VPS35: variants seen among roughly 807,000 people sequenced by gnomAD.
The protein encoded by VPS35 is VPS35 retromer complex component.
A neutral mutation model predicts 98.1 loss-of-function variants in VPS35; 21 were observed. The ratio of observed to expected loss-of-function variants is 0.21; its 90% CI spans 0.15 to 0.31. The LOEUF is 0.31. Ranked by LOEUF, VPS35 falls within the 10% of genes least tolerant of loss-of-function variation. The pLI, the probability that VPS35 is intolerant of heterozygous loss-of-function variation, is 1.00. For missense variants in VPS35, 554 were observed against 950.8 expected, an observed-to-expected ratio of 0.58 and a Z score of 5.49; for synonymous variants, 268 against 318.2, an observed-to-expected ratio of 0.84 and a Z score of 1.68.
rs183619073 is a variant in VPS35 at position 46,682,252 on chromosome 16, A to G, written c.103-77T>C. ...TATCTTGGTTGTACAAATTCTTTAC[A>G]TCAAGGACTTGTTACATAGTTTTAA... On this transcript the variant is annotated intron_variant, in intron 2 of 16. Coordinates refer to ENST00000299138, the MANE Select transcript of VPS35 (RefSeq NM_018206.6). 5.9e-5 allele frequency: 65 copies of G among 1,108,862 alleles called. 1 individual carries two copies. Among genetic ancestry groups the G allele is most frequent in the Middle Eastern group, 2.2e-4 (1 of 4,606 alleles). 68.7% of individuals were successfully genotyped at this position (1,108,862 alleles called of 1,614,324 possible). A position where few individuals can be genotyped will look rare whatever the true frequency, so the allele number is the denominator to read the frequency against.
At position 46,680,601 on chromosome 16, in the gene VPS35, G is replaced by A. The variant is rs1966220127; in HGVS notation, c.506+70C>T. 3 of 1,510,966 alleles carry A rather than the reference G, an allele frequency of 2.0e-6. No individual in the cohort carries two copies. In the African/African-American group the frequency reaches 4.2e-5, roughly 21 times the overall value. The allele number at this position is 1,510,966 out of a possible 1,614,324, so 93.6% of individuals were successfully genotyped here. On this transcript the variant is annotated intron_variant, in intron 5 of 16. Transcript: ENST00000299138. ...TTATTCACACTTTGTTTCTGTATAT[G>A]TTTCCACACTTTTATACATTCTACA...
In VPS35 at chr16:46,659,755, A is replaced by G. The variant is rs1965878779; in HGVS notation, c.*717T>C. On this transcript the variant is annotated 3_prime_UTR_variant, in exon 17 of 17. Coordinates refer to ENST00000299138, the MANE Select transcript of VPS35 (RefSeq NM_018206.6). ...TGATGCATTTCCTGCTAAATTTACA[A>G]TGAAGGTGATACATAAATTATATAG... 1 of 152,244 alleles carries G rather than the reference A, an allele frequency of 6.6e-6. No individual in the cohort carries two copies. The highest frequency in any genetic ancestry group is 1.5e-5 in the Non-Finnish European group (1 of 68,050). 9.4% of individuals were successfully genotyped at this position (152,244 alleles called of 1,614,324 possible).
intron 1 of VPS35, among the ~76,000 whole-genome samples, chr16:46,684,583 T>C (rs1025562205): frequency 6.6e-6 from 1 of 152,192 alleles, no homozygotes; most frequent in Admixed American, 6.5e-5. Flanking sequence ...GAATTCAATC[T>C]CCATGCCAAA....
rs137901172 is a variant in VPS35 at position 46,681,619 on chromosome 16, A to C, written c.200-119T>G. 69 of 1,216,662 alleles carry C rather than the reference A, an allele frequency of 5.7e-5. No homozygotes were observed. In the African/African-American group the frequency reaches 8.4e-4, roughly 15 times the overall value. 75.4% of individuals were successfully genotyped at this position (1,216,662 alleles called of 1,614,324 possible). Reference sequence around the variant, plus strand: ...ATCTTAAGTTTTAGTCCTTTAAGAAAGTGTTCAAGCGAAGGATGAATTTTA... The same window carrying C: ...ATCTTAAGTTTTAGTCCTTTAAGAACGTGTTCAAGCGAAGGATGAATTTTA... On this transcript the variant is annotated intron_variant, in intron 3 of 16. Coordinates refer to ENST00000299138, the MANE Select transcript of VPS35 (RefSeq NM_018206.6).
intron 13 of VPS35, among the ~76,000 whole-genome samples, chr16:46,663,388 T>A (rs546598114): frequency 6.6e-6 from 1 of 152,350 alleles, no homozygotes; most frequent in African/African-American, 2.4e-5. Context: ...TGGTATTTGT[T>A]TTTTCTTTTT....
In VPS35 at chr16:46,658,461, T is replaced by C. The variant is rs1965861577; in HGVS notation, c.*2011A>G. On this transcript the variant is annotated 3_prime_UTR_variant, in exon 17 of 17. Coordinates refer to ENST00000299138, the MANE Select transcript of VPS35 (RefSeq NM_018206.6). ...TAAGGATACTAGCAGTGCTTTTGTT[T>C]CACTTTTATTTACTTTTGTTGGTTT... 6.5e-6 allele frequency: 1 copy of C among 153,812 alleles called. No homozygotes were observed. Among genetic ancestry groups the C allele is most frequent in the Admixed American group, 6.5e-5 (1 of 15,288 alleles). The allele number at this position is 153,812 out of a possible 1,614,324, so 9.5% of individuals were successfully genotyped here.
rs1403775470 is a variant in VPS35 at position 46,672,327 on chromosome 16, T to C, written c.1306A>G (p.Met436Val). The change falls in exon 11 of 17, where the codon ATG becomes GTG. Residue 436 changes from methionine to valine, a missense_variant. Physicochemically the swap from Met to Val is conservative, Grantham distance 21. Around this residue, in one of 5 missense-constraint regions of VPS35, gnomAD observed 254 missense variants for 390.1 expected, o/e 0.65. Coordinates refer to ENST00000299138, the MANE Select transcript of VPS35 (RefSeq NM_018206.6). Reference sequence around the variant, plus strand: ...ACATTACTAAGCACATAACAACTCATGCTCTTTCTGGACTCGTAGTCAAAG... The same window carrying C: ...ACATTACTAAGCACATAACAACTCACGCTCTTTCTGGACTCGTAGTCAAAG... The part of the protein sequence containing the change: ...EYFDYESRKS[M>V]SCYVLSNVLD... The C allele has an allele frequency of 1.9e-6, 3 of 1,613,760 alleles. No individual in the cohort carries two copies. Among genetic ancestry groups the C allele is most frequent in the Non-Finnish European group, 2.5e-6 (3 of 1,179,888 alleles).
intron 10 of VPS35, chr16:46,673,826 T>G: frequency 6.3e-6 from 1 of 159,414 alleles, no homozygotes; most frequent in South Asian, 1.7e-4. Context: ...AAGAACAAAC[T>G]CAGTCACATG....
chr16:46,667,253 T>C (rs1966003135), intron 13 of VPS35, among the ~76,000 whole-genome samples: 1 of 152,232 alleles, frequency 6.6e-6, no homozygotes, highest in African/African-American at 2.4e-5. Context: ...TGGCCACCTG[T>C]ATGTCTTCTT....
rs1484336774 is a variant in VPS35, at chr16:46,676,619, A to C, written c.878T>G (p.Val293Gly). The change falls in exon 8 of 17, where the codon GTA becomes GGA. Residue 293 changes from valine (V) to glycine (G), a missense_variant. Val to Gly is a moderately radical substitution (Grantham distance 109, BLOSUM62 -3). Around this residue, in one of 5 missense-constraint regions of VPS35, gnomAD observed 254 missense variants for 390.1 expected, o/e 0.65. Transcript: ENST00000299138. Reference sequence around the variant, plus strand: ...AGCAATGATTATGTTCTTCACATTTACATTCTGGTGTAACTCAGCACAGGC... The same window carrying C: ...AGCAATGATTATGTTCTTCACATTTCCATTCTGGTGTAACTCAGCACAGGC... ...LRACAELHQN[V>G]NVKNIIIALI... 2.5e-6 allele frequency: 4 copies of C among 1,612,502 alleles called. No individual in the cohort carries two copies. The highest frequency in any genetic ancestry group is 3.4e-6 in the Non-Finnish European group (4 of 1,179,478).
chr16:46,679,507 G>C (rs535656620), intron 5 of VPS35, among the ~76,000 whole-genome samples: 6 of 152,160 alleles, frequency 3.9e-5, no homozygotes, highest in African/African-American at 1.4e-4. Context: ...CAGGAAGATC[G>C]CTTTAGGCCA....
intron 15 of VPS35, 22 bp downstream of exon 15, chr16:46,662,221 A>ATG: frequency 3.7e-6 from 6 of 1,614,092 alleles, no homozygotes; most frequent in Non-Finnish European, 5.1e-6. Flanking sequence ...GTCTGCTATC[A>ATG]TGCAGTCAGG....
intron 13 of VPS35, among the ~76,000 whole-genome samples, chr16:46,668,719 G>A (rs753983194): frequency 1.1e-4 from 16 of 152,088 alleles, no homozygotes; most frequent in Non-Finnish European, 1.9e-4. Context: ...TGCTTTTTAC[G>A]TGATCCCTCA....
intron 16 of VPS35, 151 bp from the exon 17 acceptor site, chr16:46,660,802 T>C: frequency 2.1e-6 from 1 of 467,040 alleles, no homozygotes; most frequent in Non-Finnish European, 3.9e-6. Context: ...ATTCCTAGTT[T>C]GAACAATTAC....
chr16:46,688,581 G>T, intron 1 of VPS35: 1 of 994,570 alleles, frequency 1.0e-6, no homozygotes, highest in Non-Finnish European at 1.2e-6. Flanking sequence ...ATGTAAGCAG[G>T]TCCCCAGAAC....
chr16:46,661,935 T>C lies in VPS35; in HGVS notation c.2068-74A>G. 6.3e-7 allele frequency: 1 copy of C among 1,586,624 alleles called. No homozygotes were observed. Among genetic ancestry groups the C allele is most frequent in the Non-Finnish European group, 8.6e-7 (1 of 1,159,580 alleles). On this transcript the variant is annotated intron_variant, in intron 15 of 16. Coordinates refer to ENST00000299138, the MANE Select transcript of VPS35 (RefSeq NM_018206.6). This position sits in a 1 kb window ranked among gnomAD's most constrained non-coding sequence, Gnocchi z 4.3. The stretch of plus-strand genomic sequence containing the variant: ...GTTTTCATACAAAGAAACACAACAC[T>C]ACCGTGGCTCTTTCGTGTTTTAAAG...
intron 2 of VPS35, chr16:46,683,255 G>C: frequency 1.9e-6 from 1 of 539,550 alleles, no homozygotes. Context: ...TAAAAGGAAG[G>C]GTCTCTTATT....
At position 46,657,776 on chromosome 16, in the gene VPS35, ATC is replaced by A. The variant is rs1427296434; in HGVS notation, c.*2694_*2695del. The A allele has an allele frequency of 6.6e-6, 1 of 152,208 alleles. No homozygotes were observed. Among genetic ancestry groups the A allele is most frequent in the Non-Finnish European group, 1.5e-5 (1 of 68,084 alleles). 9.4% of individuals were successfully genotyped at this position (152,208 alleles called of 1,614,324 possible). The stretch of plus-strand genomic sequence containing the variant: ...GGTAGGAAAGTCTAACACGGCAGGC[ATC>A]TCTCATCCAGTCACAGCATCTTCCT... On this transcript the variant is annotated 3_prime_UTR_variant, in exon 17 of 17. Transcript: ENST00000299138.
intron 6 of VPS35, among the ~76,000 whole-genome samples, chr16:46,678,383 T>C (rs1282505324): frequency 6.6e-6 from 1 of 151,708 alleles, no homozygotes; most frequent in Non-Finnish European, 1.5e-5. Flanking sequence ...TGGGCCATAT[T>C]CAAGGCTGTC....
Sources: allele counts gnomAD v4.1 joint callset (sites outside exome capture counted in the v4.1 genomes callset), GRCh38; gene constraint gnomAD v4.1.1; regional missense constraint gnomAD v4.1.1; non-coding constraint Gnocchi (gnomAD v3.1); transcripts MANE v1.5; gene names NCBI Gene and HGNC (gene_info 2026-07-23, HGNC 2026-07-21).